Variants in RCAN2 observed in about 807,000 individuals in gnomAD.
RCAN2 encodes calcipressin-2.
A neutral mutation model predicts 23.6 loss-of-function variants in RCAN2; 9 were observed. The observed-to-expected ratio is 0.38, with a 90% CI of 0.23 to 0.67. The LOEUF (loss-of-function observed/expected upper bound fraction) is 0.67. RCAN2 is among the 30% of genes least tolerant of loss of function. RCAN2 has a pLI of 0.51. For missense variants in RCAN2, 273 were observed against 302.3 expected, an observed-to-expected ratio of 0.90 and a Z score of 0.72; for synonymous variants, 109 against 115.7, an observed-to-expected ratio of 0.94 and a Z score of 0.37.
chr6:46,370,976 T>C (rs1400240687), intron 2 of RCAN2, among the ~76,000 whole-genome samples: 1 of 152,198 alleles, frequency 6.6e-6, no homozygotes, highest in African/African-American at 2.4e-5. Flanking sequence ...ACTCAGAGCT[T>C]TTAACCTGAG....
intron 2 of RCAN2, among the ~76,000 whole-genome samples, chr6:46,276,100 G>A (rs1171704117): frequency 6.6e-6 from 1 of 152,148 alleles, no homozygotes; most frequent in South Asian, 2.1e-4. Context: ...CAGCTACTCG[G>A]GAGGCTGAAG....
At chr6:46,410,491 A>G (rs1241042545) in intron 2 of RCAN2, among the ~76,000 whole-genome samples, 1 of 152,156 alleles carries the variant, frequency 6.6e-6, no homozygotes, top group Non-Finnish European at 1.5e-5. Flanking sequence ...AATTCAGAGC[A>G]GGAAACAACA....
intron 2 of RCAN2, among the ~76,000 whole-genome samples, chr6:46,289,491 T>A (rs1009252917): frequency 1.3e-5 from 2 of 152,200 alleles, no homozygotes; most frequent in East Asian, 1.9e-4. Context: ...AAAAAAGATA[T>A]TTTATCTTCA....
chr6:46,357,726 G>T (rs1764882120), intron 2 of RCAN2, among the ~76,000 whole-genome samples: 1 of 152,214 alleles, frequency 6.6e-6, no homozygotes, highest in Non-Finnish European at 1.5e-5. Context: ...ACATGTTGAA[G>T]CTGGGATGCT....
At chr6:46,447,232 CAAAG>C (rs1026198719) in intron 2 of RCAN2, among the ~76,000 whole-genome samples, 4 of 151,638 alleles carry the variant, frequency 2.6e-5, no homozygotes, top group African/African-American at 9.7e-5. Context: ...TAGAACAAGA[CAAAG>C]AAAGCCATTA....
At chr6:46,426,211 C>T (rs1209765368) in intron 2 of RCAN2, among the ~76,000 whole-genome samples, 1 of 152,054 alleles carries the variant, frequency 6.6e-6, no homozygotes, top group Non-Finnish European at 1.5e-5. Context: ...CTGATTACTT[C>T]TTTAAAAGGT....
At chr6:46,274,356 C>T (rs1014255458) in intron 2 of RCAN2, among the ~76,000 whole-genome samples, 4 of 152,114 alleles carry the variant, frequency 2.6e-5, no homozygotes, top group African/African-American at 9.7e-5. Flanking sequence ...AGATTCTTGG[C>T]CTTGGGTTCA....
intron 1 of RCAN2, among the ~76,000 whole-genome samples, chr6:46,464,436 G>C (rs1335790430): frequency 6.6e-6 from 1 of 152,002 alleles, no homozygotes; most frequent in Non-Finnish European, 1.5e-5. Context: ...GGATCTTTTT[G>C]ATTTGCCCTT....
chr6:46,382,940 G>C (rs776004708), intron 2 of RCAN2, among the ~76,000 whole-genome samples: 2 of 152,168 alleles, frequency 1.3e-5, no homozygotes, highest in Non-Finnish European at 2.9e-5. Flanking sequence ...TGCTCAGCAT[G>C]ATCTTCAAAT....
chr6:46,225,112 T>G (rs950734195), intron 4 of RCAN2, among the ~76,000 whole-genome samples: 12 of 152,224 alleles, frequency 7.9e-5, no homozygotes, highest in African/African-American at 2.9e-4. Flanking sequence ...GGACATGAAC[T>G]CATCCTTTTT....
chr6:46,468,523 G>GA (rs1768457765), intron 1 of RCAN2, among the ~76,000 whole-genome samples: 1 of 152,188 alleles, frequency 6.6e-6, no homozygotes, highest in Admixed American at 6.5e-5. Context: ...CCCATCCTGG[G>GA]AGGGCTGCCC....
intron 2 of RCAN2, among the ~76,000 whole-genome samples, chr6:46,372,538 G>A (rs1765350493): frequency 6.6e-6 from 1 of 152,060 alleles, no homozygotes; most frequent in Non-Finnish European, 1.5e-5. Context: ...TTCTCCAATT[G>A]GTCCTCTACT....
chr6:46,351,940 T>C (rs749667199), intron 2 of RCAN2, among the ~76,000 whole-genome samples: 4 of 152,226 alleles, frequency 2.6e-5, no homozygotes, highest in Non-Finnish European at 5.9e-5. Flanking sequence ...CTCTGTTCAA[T>C]GCTTGCCTCT....
At chr6:46,411,382 T>C (rs1303234970) in intron 2 of RCAN2, among the ~76,000 whole-genome samples, 1 of 152,158 alleles carries the variant, frequency 6.6e-6, no homozygotes, top group Non-Finnish European at 1.5e-5. Flanking sequence ...TTTGGGAAGA[T>C]GAAAAAGTTC....
At chr6:46,412,775 C>G (rs1327354989) in intron 2 of RCAN2, among the ~76,000 whole-genome samples, 1 of 152,038 alleles carries the variant, frequency 6.6e-6, no homozygotes, top group South Asian at 2.1e-4. Context: ...GGGAGGGAAG[C>G]CTGATGAGGA....
intron 2 of RCAN2, among the ~76,000 whole-genome samples, chr6:46,356,342 GCTCTGTGCCCTCC>G (rs1308727195): frequency 6.6e-6 from 1 of 152,162 alleles, no homozygotes; most frequent in Non-Finnish European, 1.5e-5. Flanking sequence ...TTTGTGGGGA[GCTCTGTGCCCTCC>G]CTCAAGCCCA....
chr6:46,445,787 G>A (rs1410376152), intron 2 of RCAN2, among the ~76,000 whole-genome samples: 3 of 152,136 alleles, frequency 2.0e-5, no homozygotes, highest in African/African-American at 7.2e-5. Flanking sequence ...AAATACAATA[G>A]AGGGTGTCAA....
chr6:46,251,420 A>C (rs1233949430), intron 2 of RCAN2, among the ~76,000 whole-genome samples: 1 of 152,160 alleles, frequency 6.6e-6, no homozygotes, highest in Non-Finnish European at 1.5e-5. Flanking sequence ...AGAGATTAAA[A>C]ACTCTTGTTT....
Position 46,340,577 on chromosome 6 carries a change from A to G in RCAN2, c.226-91681T>C, listed in dbSNP as rs543838842. ...AAGTGTTGAAGATGGCAGAGCCTCT[A>G]TCATTCTAGATCTTTGAAGGACTCC... is the stretch of plus-strand genomic sequence containing the variant. On this transcript the variant is annotated intron_variant, in intron 2 of 4. Transcript: ENST00000371374. 7.2e-5 allele frequency among the ~76,000 whole-genome samples: 11 copies of G among 152,304 alleles called. No individual in the cohort carries two copies. The South Asian group carries it at 2.3e-3, about 32-fold the overall frequency.
Sources: allele counts gnomAD v4.1 joint callset (sites outside exome capture counted in the v4.1 genomes callset), GRCh38; gene constraint gnomAD v4.1.1; transcripts MANE v1.5; gene names NCBI Gene and HGNC (gene_info 2026-07-23, HGNC 2026-07-21).